Variants in TTC4 observed in about 807,000 individuals in gnomAD.
TTC4 encodes hsp70/Hsp90 co-chaperone CNS1 homolog.
A neutral mutation model predicts 51.9 loss-of-function variants in TTC4; 36 were observed. The ratio of observed to expected loss-of-function variants is 0.69; its 90% CI spans 0.53 to 0.92. TTC4 has a LOEUF of 0.92. Among genes scored for constraint, TTC4 ranks in the 40% least tolerant of loss-of-function variants. The pLI is 0.00. For missense variants in TTC4, 399 were observed against 454.6 expected (o/e 0.88, Z 1.11); for synonymous variants, 144 against 164.2 (o/e 0.88, Z 0.94).
intron 8 of TTC4, among the ~76,000 whole-genome samples, chr1:54,734,071 CTTT>C (rs879553610): frequency 1.3e-5 from 2 of 149,832 alleles, no homozygotes; most frequent in South Asian, 2.1e-4. Flanking sequence ...TCAGAATTTC[CTTT>C]TTTTTTTAAA....
chr1:54,724,260 C>CT, intron 5 of TTC4, among the ~76,000 whole-genome samples: 1 of 146,340 alleles, frequency 6.8e-6, no homozygotes, highest in East Asian at 2.0e-4. Flanking sequence ...TGAAGTGAAG[C>CT]TTTTTTTCTT....
chr1:54,741,150 C>A (rs947380290), intron 9 of TTC4, among the ~76,000 whole-genome samples: 2 of 152,182 alleles, frequency 1.3e-5, no homozygotes, highest in South Asian at 4.1e-4. Context: ...ATGAATAAAA[C>A]CATGCTTTAT....
At chr1:54,722,880 G>C in intron 5 of TTC4, 81 bp downstream of exon 5, 2 of 1,557,526 alleles carry the variant, frequency 1.3e-6, no homozygotes, top group South Asian at 2.4e-5. Context: ...TCAAGTCATT[G>C]TAAACTTTTT....
Position 54,733,690 on chromosome 1 carries a change from T to C in TTC4, c.958T>C (p.Tyr320His). The change falls in exon 8 of 10, where the codon TAT becomes CAT. Residue 320 changes from tyrosine (Y) to histidine (H), a missense_variant. By Grantham distance (83) the Tyr-to-His change is moderately conservative. Around this residue, in one of 3 missense-constraint regions of TTC4, gnomAD observed 19 missense variants for 43.7 expected, o/e 0.43. Transcript: ENST00000371281. ...ETPSWDLEQKYCPDNLEVYFE... is the reference protein window; with the variant it reads ...ETPSWDLEQKHCPDNLEVYFE... ...ACCCTCTTGGGACCTAGAGCAAAAA[T>C]ATTGCCCTGATAATTTGGAGGTAAG... 1 of 1,598,522 alleles carries C rather than the reference T, an allele frequency of 6.3e-7. No homozygotes were observed. Among genetic ancestry groups the C allele is most frequent in the Non-Finnish European group, 8.5e-7 (1 of 1,171,528 alleles).
In TTC4 at chr1:54,741,590, C is replaced by T. The variant is rs995842404; in HGVS notation, c.*77C>T. ...AGCACACCTGAATCAGCTGGACATA[C>T]TGCTGGAGTCCAGTGCTTTCTTTCC... is the stretch of plus-strand genomic sequence containing the variant. On this transcript the variant is annotated 3_prime_UTR_variant, in exon 10 of 10. Coordinates refer to ENST00000371281, the MANE Select transcript of TTC4 (RefSeq NM_004623.5). 3 of 1,195,624 alleles carry T rather than the reference C, an allele frequency of 2.5e-6. No individual in the cohort carries two copies. In the South Asian group the frequency reaches 3.7e-5, roughly 15 times the overall value. 74.1% of individuals were successfully genotyped at this position (1,195,624 alleles called of 1,614,324 possible). A position where few individuals can be genotyped will look rare whatever the true frequency, so the allele number is the denominator to read the frequency against.
chr1:54,737,057 T>G (rs1645954502), intron 8 of TTC4: 1 of 154,026 alleles, frequency 6.5e-6, no homozygotes, highest in Non-Finnish European at 1.4e-5. Flanking sequence ...GGAGCACTTC[T>G]TCCCCTGCTC....
chr1:54,738,661 C>CTTTTTTTTTTTTT (rs567268643), intron 9 of TTC4, among the ~76,000 whole-genome samples: 2 of 138,828 alleles, frequency 1.4e-5, no homozygotes, highest in African/African-American at 2.8e-5. Flanking sequence ...CTAGGATGGC[C>CTTTTTTTTTTTTT]TTTTTTTTTT....
chr1:54,733,432 A>T (rs60766581), intron 7 of TTC4, among the ~76,000 whole-genome samples, 197 bp from the exon 8 acceptor site: 60,245 of 147,730 alleles, frequency 0.41, 13,051 homozygotes, highest in East Asian at 0.8. Flanking sequence ...AAAAAAAAAT[A>T]AAATAAAATA....
chr1:54,737,455 C>T, intron 8 of TTC4, 127 bp from the exon 9 acceptor site: 1 of 733,236 alleles, frequency 1.4e-6, no homozygotes, highest in Non-Finnish European at 2.2e-6. Flanking sequence ...CACCCAGCTA[C>T]ACAACCATAT....
intron 1 of TTC4, chr1:54,716,284 C>A: frequency 1.8e-6 from 1 of 543,886 alleles, no homozygotes; most frequent in Non-Finnish European, 3.3e-6. Context: ...TCCGTTTCCT[C>A]ATCTGTAAAA....
At position 54,722,766 on chromosome 1, in the gene TTC4, TCTG is replaced by T; in HGVS notation, c.562_564del (p.Leu188del). 4 of 1,613,902 alleles carry T rather than the reference TCTG, an allele frequency of 2.5e-6. No individual in the cohort carries two copies. On this transcript the variant is annotated inframe_deletion, in exon 5 of 10. Coordinates refer to ENST00000371281, the MANE Select transcript of TTC4 (RefSeq NM_004623.5). ...AAATAGATGCCAAAGAGAAGAAGCT[TCTG>T]GAAATGAGGGCTAAAGCAGACAAGC...
Sources: allele counts gnomAD v4.1 joint callset (sites outside exome capture counted in the v4.1 genomes callset), GRCh38; gene constraint gnomAD v4.1.1; regional missense constraint gnomAD v4.1.1; transcripts MANE v1.5; gene names NCBI Gene and HGNC (gene_info 2026-07-23, HGNC 2026-07-21).